Variants in NSMCE2 observed in about 807,000 individuals in gnomAD.
NSMCE2 encodes the protein NSE2 SUMO ligase component of SMC5/6 complex.
A neutral mutation model predicts 23.8 loss-of-function variants in NSMCE2; 24 were observed. That is an observed-to-expected ratio of 1.01 (90% confidence interval 0.73 to 1.42). The LOEUF (loss-of-function observed/expected upper bound fraction) is 1.42, where lower values mean the gene tolerates loss of function less well. Among genes scored for constraint, NSMCE2 ranks in the 40% most tolerant of loss-of-function variants. The pLI is 0.00. For synonymous variants in NSMCE2, 92 were observed against 94.1 expected (o/e 0.98, Z 0.13); for missense variants, 284 against 296.5 (o/e 0.96, Z 0.31).
At chr8:125,323,650 C>T (rs1586768676) in intron 5 of NSMCE2, among the ~76,000 whole-genome samples, 2 of 152,164 alleles carry the variant, frequency 1.3e-5, no homozygotes, top group East Asian at 3.8e-4. Flanking sequence ...AAACTTTGAA[C>T]CATATCTCAC....
At chr8:125,152,660 TAC>T (rs1821097773) in intron 4 of NSMCE2, among the ~76,000 whole-genome samples, 4 of 152,330 alleles carry the variant, frequency 2.6e-5, no homozygotes, top group Admixed American at 2.0e-4. Context: ...CAGTGTATAT[TAC>T]AGATAAGAAA....
At chr8:125,133,788 AAAAGAAAAAG>A in intron 3 of NSMCE2, among the ~76,000 whole-genome samples, 1 of 152,164 alleles carries the variant, frequency 6.6e-6, no homozygotes, top group African/African-American at 2.4e-5. Flanking sequence ...AAAACAAAAA[AAAAGAAAAAG>A]AAAAAAGAAA....
intron 3 of NSMCE2, among the ~76,000 whole-genome samples, chr8:125,106,997 A>G (rs546845974): frequency 2.0e-5 from 3 of 150,948 alleles, no homozygotes; most frequent in African/African-American, 4.9e-5. Context: ...TTCTGTCTCA[A>G]AAAAAAAACA....
chr8:125,219,598 A>C (rs1300467811), intron 5 of NSMCE2, among the ~76,000 whole-genome samples: 2 of 152,204 alleles, frequency 1.3e-5, no homozygotes, highest in Non-Finnish European at 2.9e-5. Flanking sequence ...TAAATAGAGT[A>C]ATATGTTTAT....
chr8:125,262,873 G>C (rs1034725706), intron 5 of NSMCE2, among the ~76,000 whole-genome samples: 2 of 152,142 alleles, frequency 1.3e-5, no homozygotes, highest in Non-Finnish European at 2.9e-5. Flanking sequence ...GTTATATAAA[G>C]CAAGTAGTAT....
chr8:125,217,362 T>TA (rs1159855588), intron 5 of NSMCE2, among the ~76,000 whole-genome samples: 3 of 150,950 alleles, frequency 2.0e-5, no homozygotes, highest in East Asian at 1.9e-4. Context: ...TTTATTTATT[T>TA]TTTATTTATT....
At chr8:125,266,117 A>C (rs867157766) in intron 5 of NSMCE2, among the ~76,000 whole-genome samples, 25 of 94,392 alleles carry the variant, frequency 2.6e-4, no homozygotes, top group African/African-American at 9.4e-4. Context: ...TTTGAGATGG[A>C]GTTTTGCTCT....
intron 5 of NSMCE2, among the ~76,000 whole-genome samples, chr8:125,239,303 A>C (rs1720579380): frequency 6.6e-6 from 1 of 152,050 alleles, no homozygotes. Flanking sequence ...CTTATGTTAC[A>C]AAAAAATAGC....
At position 125,272,866 on chromosome 8, in the gene NSMCE2, C is replaced by G. The variant is rs759125655; in HGVS notation, c.419-84353C>G. 1.2e-4 allele frequency among the ~76,000 whole-genome samples: 13 copies of G among 111,294 alleles called. 2 individuals carry two copies. The highest frequency in any genetic ancestry group is 2.2e-4 in the East Asian group (1 of 4,488). The allele number at this position is 111,294 out of a possible 152,430, so 73.0% of individuals were successfully genotyped here. A position where few individuals can be genotyped will look rare whatever the true frequency, so the allele number is the denominator to read the frequency against. On this transcript the variant is annotated intron_variant, in intron 5 of 7. Transcript: ENST00000287437. ...GTATATACACACACACATATATATA[C>G]ACACGTATACGTGTGTGTATATATA...
chr8:125,144,912 G>C (rs1431682152), intron 3 of NSMCE2, among the ~76,000 whole-genome samples: 3 of 152,160 alleles, frequency 2.0e-5, no homozygotes, highest in East Asian at 1.9e-4. Flanking sequence ...TAATATTGCT[G>C]TTAGTGGGTT....
intron 5 of NSMCE2, among the ~76,000 whole-genome samples, chr8:125,295,772 C>T (rs1183280015): frequency 6.6e-6 from 1 of 152,168 alleles, no homozygotes; most frequent in Non-Finnish European, 1.5e-5. Context: ...AAGGAAGCAA[C>T]AGCTTTATAC....
intron 5 of NSMCE2, among the ~76,000 whole-genome samples, chr8:125,356,236 G>T (rs1186586561): frequency 4.6e-5 from 5 of 108,380 alleles, no homozygotes; most frequent in Non-Finnish European, 1.1e-4. Flanking sequence ...CTGTGTGTAT[G>T]GGGGGGGGTG....
chr8:125,334,685 G>A (rs1361579984), intron 5 of NSMCE2, among the ~76,000 whole-genome samples: 2 of 151,836 alleles, frequency 1.3e-5, no homozygotes, highest in African/African-American at 2.4e-5. Context: ...GAAATGAGGC[G>A]GTTAGAGCTC....
intron 5 of NSMCE2, among the ~76,000 whole-genome samples, chr8:125,323,179 T>C (rs1430212991): frequency 1.3e-5 from 2 of 152,256 alleles, no homozygotes; most frequent in African/African-American, 2.4e-5. Flanking sequence ...AGATATACCA[T>C]GTTAATGAAT....
intron 5 of NSMCE2, among the ~76,000 whole-genome samples, chr8:125,236,373 A>G (rs1825551676): frequency 6.6e-6 from 1 of 152,170 alleles, no homozygotes; most frequent in Non-Finnish European, 1.5e-5. Flanking sequence ...AACTATATAT[A>G]TATATATCAT....
At chr8:125,111,861 A>T (rs1246168580) in intron 3 of NSMCE2, among the ~76,000 whole-genome samples, 1 of 152,208 alleles carries the variant, frequency 6.6e-6, no homozygotes, top group Non-Finnish European at 1.5e-5. Context: ...AACTGACCTG[A>T]TATTTTCAGG....
intron 5 of NSMCE2, among the ~76,000 whole-genome samples, chr8:125,215,909 C>T (rs1164393527): frequency 6.6e-6 from 1 of 152,116 alleles, no homozygotes; most frequent in African/African-American, 2.4e-5. Context: ...ATAACGAGAC[C>T]CTGTCTCTAC....
chr8:125,096,709 C>G (rs1303410557), intron 1 of NSMCE2, among the ~76,000 whole-genome samples: 1 of 128,140 alleles, frequency 7.8e-6, no homozygotes, highest in Non-Finnish European at 1.6e-5. Context: ...CTCCAGGATT[C>G]AAGCGATTCT....
chr8:125,290,259 G>T (rs1333773501), intron 5 of NSMCE2, among the ~76,000 whole-genome samples: 1 of 152,036 alleles, frequency 6.6e-6, no homozygotes. Flanking sequence ...AAATGTCTTA[G>T]TCAAAACGTG....
Sources: allele counts gnomAD v4.1 joint callset (sites outside exome capture counted in the v4.1 genomes callset), GRCh38; gene constraint gnomAD v4.1.1; transcripts MANE v1.5; gene names NCBI Gene and HGNC (gene_info 2026-07-23, HGNC 2026-07-21).